TTC34: variants seen among roughly 807,000 people sequenced by gnomAD.
The protein encoded by TTC34 is tetratricopeptide repeat protein 34.
Under a neutral mutation model 40.7 loss-of-function variants are expected in TTC34, and 44 were observed. That is an observed-to-expected ratio of 1.08 (90% CI 0.85 to 1.39). The LOEUF is 1.39. Among genes scored for constraint, TTC34 ranks in the 40% most tolerant of loss-of-function variants. TTC34 has a pLI of 0.00. For missense variants in TTC34, 884 were observed against 838.0 expected, an observed-to-expected ratio of 1.05 and a Z score of -0.68; for synonymous variants, 422 against 398.6, an observed-to-expected ratio of 1.06 and a Z score of -0.70.
chr1:2,684,291 T>C (rs1186468406), intron 6 of TTC34, among the ~76,000 whole-genome samples: 1 of 144,516 alleles, frequency 6.9e-6, no homozygotes, highest in African/African-American at 2.6e-5. Context: ...GGCAAGCATA[T>C]GACAGCCTGG....
chr1:2,699,534 C>G (rs1318227564), intron 6 of TTC34, among the ~76,000 whole-genome samples: 3 of 129,474 alleles, frequency 2.3e-5, no homozygotes, highest in Non-Finnish European at 5.4e-5. Context: ...CCACCCACAT[C>G]CCCAGGTGAG....
At chr1:2,753,027 A>C (rs1256443521) in intron 6 of TTC34, among the ~76,000 whole-genome samples, 123 of 120,896 alleles carry the variant, frequency 1.0e-3, no homozygotes, top group African/African-American at 1.9e-3. Context: ...CCAGGTGAGC[A>C]TCCGACAGCC....
intron 6 of TTC34, among the ~76,000 whole-genome samples, chr1:2,769,602 C>G (rs554744841): frequency 1.5e-5 from 2 of 129,484 alleles, no homozygotes; most frequent in African/African-American, 6.2e-5. Context: ...CCAGGGGGAG[C>G]ATCTGACAGC....
At chr1:2,685,811 A>C (rs1162249009) in intron 6 of TTC34, among the ~76,000 whole-genome samples, 5 of 146,734 alleles carry the variant, frequency 3.4e-5, no homozygotes, top group Non-Finnish European at 6.0e-5. Context: ...CCAGGTGAGC[A>C]TCTGACAGAC....
chr1:2,759,543 G>C (rs1641622541), intron 6 of TTC34, among the ~76,000 whole-genome samples: 3 of 150,644 alleles, frequency 2.0e-5, no homozygotes, highest in African/African-American at 2.4e-5. Context: ...CTGACAGCCT[G>C]GAACAGCACC....
chr1:2,756,425 AC>A (rs1641507606), intron 6 of TTC34, among the ~76,000 whole-genome samples: 3 of 121,252 alleles, frequency 2.5e-5, no homozygotes, highest in Non-Finnish European at 3.4e-5. Flanking sequence ...TAGCACCCAC[AC>A]CCCCAGGTGA....
intron 6 of TTC34, among the ~76,000 whole-genome samples, chr1:2,700,316 T>C (rs1343304927): frequency 1.8e-5 from 2 of 108,538 alleles, no homozygotes; most frequent in Non-Finnish European, 4.3e-5. Context: ...TCCGACAGTC[T>C]GGGGCAGCAC....
At chr1:2,800,744 G>A (rs564059373) in exon 2 of TTC34, 104 of 398,900 alleles carry the variant, frequency 2.6e-4, no homozygotes, top group Admixed American at 2.2e-3. Context: ...GGTAGAAGGC[G>A]GTGGCCAGGG....
intron 6 of TTC34, among the ~76,000 whole-genome samples, chr1:2,694,958 G>A (rs564893477): frequency 4.0e-5 from 6 of 149,772 alleles, no homozygotes; most frequent in East Asian, 2.0e-4. Flanking sequence ...ACACCCCCAG[G>A]TGAGCATCTG....
chr1:2,749,874 A>G (rs1641260057), intron 6 of TTC34, among the ~76,000 whole-genome samples: 4 of 123,870 alleles, frequency 3.2e-5, no homozygotes, highest in African/African-American at 3.3e-5. Context: ...AGCCTGGAGC[A>G]GAACCCACAC....
rs531535629 is a variant in TTC34, at chr1:2,779,399, C to T, written c.2226+4210G>A. ...AGTGCAGTGGCAGGATCTCAGCTCA[C>T]TGCAACTCCCACCTCCCGGGTTCAA... On this transcript the variant is annotated intron_variant, in intron 6 of 8. Coordinates refer to ENST00000401095, the Ensembl canonical transcript of TTC34. 2.4e-4 allele frequency among the ~76,000 whole-genome samples: 36 copies of T among 152,252 alleles called. 1 individual carries two copies. The South Asian group carries it at 6.4e-3, about 27-fold the overall frequency.
Position 2,645,647 on chromosome 1 carries a change from G to A in TTC34, c.2227-84C>T. 1 of 1,336,678 alleles carries A rather than the reference G, an allele frequency of 7.5e-7. No individual in the cohort carries two copies. The highest frequency in any genetic ancestry group is 2.8e-5 in the East Asian group (1 of 36,330). 82.8% of individuals were successfully genotyped at this position (1,336,678 alleles called of 1,614,324 possible). Reference sequence around the variant, plus strand: ...GGGTCAGAGTAGGAGGACTGGCTCTGTCTTTCTCATTCCCTGATCTTCTCC... The same window carrying A: ...GGGTCAGAGTAGGAGGACTGGCTCTATCTTTCTCATTCCCTGATCTTCTCC... On this transcript the variant is annotated intron_variant, in intron 6 of 8. Coordinates refer to ENST00000401095, the Ensembl canonical transcript of TTC34. This position sits in a 1 kb window ranked among gnomAD's most constrained non-coding sequence, Gnocchi z 4.7.
At chr1:2,652,355 A>T (rs1258480213) in intron 6 of TTC34, among the ~76,000 whole-genome samples, 1,284 of 144,878 alleles carry the variant, frequency 8.9e-3, no homozygotes, top group South Asian at 0.011. Context: ...ATCCTGGAAC[A>T]GCACGCACAC....
intron 6 of TTC34, among the ~76,000 whole-genome samples, chr1:2,751,608 C>T (rs1275823126): frequency 2.4e-5 from 3 of 126,472 alleles, no homozygotes; most frequent in South Asian, 5.5e-4. Flanking sequence ...GCACCCACAC[C>T]CCCAGGCGAG....
intron 6 of TTC34, among the ~76,000 whole-genome samples, chr1:2,693,109 C>A (rs1232031188): frequency 3.4e-5 from 2 of 58,072 alleles, no homozygotes; most frequent in Admixed American, 3.2e-4. Flanking sequence ...CCCACACCCT[C>A]AGGTGAGCAT....
chr1:2,687,447 C>G (rs1640415742), intron 6 of TTC34, among the ~76,000 whole-genome samples: 3 of 149,120 alleles, frequency 2.0e-5, no homozygotes, highest in East Asian at 2.0e-4. Context: ...CACCCACAAC[C>G]ACAGGTGAGC....
intron 6 of TTC34, among the ~76,000 whole-genome samples, chr1:2,756,628 C>A (rs1322575473): frequency 4.5e-3 from 243 of 53,936 alleles, no homozygotes; most frequent in East Asian, 0.011. Context: ...CACCCACACC[C>A]CCAGGTGAGC....
At chr1:2,643,824 C>T (rs1371563495) in intron 8 of TTC34, among the ~76,000 whole-genome samples, 2 of 152,210 alleles carry the variant, frequency 1.3e-5, no homozygotes, top group African/African-American at 2.4e-5. Context: ...GAAATCCTGC[C>T]CAGGCCCCAC....
intron 6 of TTC34, among the ~76,000 whole-genome samples, chr1:2,683,255 G>C (rs938011415): frequency 6.7e-6 from 1 of 149,942 alleles, no homozygotes; most frequent in African/African-American, 2.5e-5. Flanking sequence ...CTGATGGTTT[G>C]CAGCAGCACC....
Sources: allele counts gnomAD v4.1 joint callset (sites outside exome capture counted in the v4.1 genomes callset), GRCh38; gene constraint gnomAD v4.1.1; non-coding constraint Gnocchi (gnomAD v3.1); transcripts MANE v1.5; gene names NCBI Gene and HGNC (gene_info 2026-07-23, HGNC 2026-07-21).